Variants in ARHGAP22 observed in about 807,000 individuals in gnomAD.
ARHGAP22 encodes the protein Rho GTPase activating protein 22, also known as rho GTPase-activating protein 22.
A neutral mutation model predicts 59.1 loss-of-function variants in ARHGAP22; 48 were observed. That is an observed-to-expected ratio of 0.81 (90% confidence interval 0.64 to 1.03). ARHGAP22 has a LOEUF of 1.03. Ranked by LOEUF, ARHGAP22 falls within the 50% of genes least tolerant of loss-of-function variation. ARHGAP22 has a pLI of 0.00. For missense variants in ARHGAP22, 1,015 were observed against 958.7 expected (o/e 1.06, Z -0.78); for synonymous variants, 445 against 416.4 (o/e 1.07, Z -0.84).
chr10:48,598,576 C>T (rs897674439), intron 1 of ARHGAP22, among the ~76,000 whole-genome samples: 1 of 152,166 alleles, frequency 6.6e-6, no homozygotes, highest in Non-Finnish European at 1.5e-5. Flanking sequence ...CGGGAAACAC[C>T]ATTGCTCCCA....
rs1364184552 is a variant in ARHGAP22, at chr10:48,604,847, A to G, written c.-51T>C. ...CGCAGGGCCGTTCATGCTGTCATCCACTTGCTTTTGCTCGTCCTCGCGCCT... is the reference window on the plus strand; with the variant it reads ...CGCAGGGCCGTTCATGCTGTCATCCGCTTGCTTTTGCTCGTCCTCGCGCCT... On this transcript the variant is annotated 5_prime_UTR_variant, in exon 1 of 10. Coordinates refer to ENST00000249601, the MANE Select transcript of ARHGAP22 (RefSeq NM_021226.4). 5 of 1,613,666 alleles carry G rather than the reference A, an allele frequency of 3.1e-6. No homozygotes were observed. The Middle Eastern group carries it at 4.9e-4, about 159-fold the overall frequency.
intron 1 of ARHGAP22, among the ~76,000 whole-genome samples, chr10:48,585,531 T>G (rs180952932): frequency 2.0e-4 from 31 of 152,292 alleles, no homozygotes; most frequent in South Asian, 1.9e-3. Flanking sequence ...TAATACTGAA[T>G]CTATCACTTT....
At chr10:48,451,733 G>C (rs2045980853) in intron 8 of ARHGAP22, 1 of 582,506 alleles carries the variant, frequency 1.7e-6, no homozygotes, top group African/African-American at 2.2e-5. Context: ...ACACACAACT[G>C]GACAATGCAC....
chr10:48,530,811 A>G (rs1417677392), intron 3 of ARHGAP22, among the ~76,000 whole-genome samples: 1 of 152,222 alleles, frequency 6.6e-6, no homozygotes, highest in Non-Finnish European at 1.5e-5. Flanking sequence ...ACACCTCTAC[A>G]CTGCTGGTGG....
chr10:48,599,370 G>C (rs1390105974), intron 1 of ARHGAP22, among the ~76,000 whole-genome samples: 1 of 152,242 alleles, frequency 6.6e-6, no homozygotes, highest in Non-Finnish European at 1.5e-5. Context: ...CATGTGCTGT[G>C]CTTGCTTGAC....
chr10:48,629,512 G>T (rs563186551), intron 1 of ARHGAP22, among the ~76,000 whole-genome samples: 83 of 152,272 alleles, frequency 5.5e-4, no homozygotes, highest in African/African-American at 1.9e-3. Flanking sequence ...CTCATCAAAG[G>T]TCAGTTAGCT....
chr10:48,453,899 G>A (rs2046235988), intron 7 of ARHGAP22, among the ~76,000 whole-genome samples, 189 bp downstream of exon 7: 1 of 152,190 alleles, frequency 6.6e-6, no homozygotes, highest in African/African-American at 2.4e-5. Flanking sequence ...CCATGGGACT[G>A]TAAGCTTCGT....
chr10:48,630,719 C>A (rs1166668897), intron 1 of ARHGAP22, among the ~76,000 whole-genome samples: 6 of 152,180 alleles, frequency 3.9e-5, no homozygotes, highest in Non-Finnish European at 7.4e-5. Flanking sequence ...TCTGCATAGA[C>A]AATCCTGTCT....
At chr10:48,542,464 G>A (rs2056048906) in intron 3 of ARHGAP22, among the ~76,000 whole-genome samples, 1 of 152,214 alleles carries the variant, frequency 6.6e-6, no homozygotes, top group Non-Finnish European at 1.5e-5. Context: ...CGTATGCTGA[G>A]GGCTGGGGCC....
intron 3 of ARHGAP22, chr10:48,523,979 G>T: frequency 7.3e-7 from 1 of 1,373,318 alleles, no homozygotes; most frequent in Non-Finnish European, 9.5e-7. Flanking sequence ...ACCCCGTGGC[G>T]AGTCCCCGAG....
intron 3 of ARHGAP22, among the ~76,000 whole-genome samples, chr10:48,554,408 G>A (rs1413684681): frequency 2.0e-5 from 3 of 152,154 alleles, no homozygotes; most frequent in East Asian, 1.9e-4. Context: ...AGATTTACTG[G>A]TTCACTGGGC....
chr10:48,452,429 C>A (rs534011579), intron 8 of ARHGAP22, among the ~76,000 whole-genome samples: 5 of 152,324 alleles, frequency 3.3e-5, no homozygotes, highest in Admixed American at 3.3e-4. Context: ...AGCATCTGTA[C>A]CACCAGGCAG....
intron 3 of ARHGAP22, among the ~76,000 whole-genome samples, chr10:48,540,714 G>C (rs939128459): frequency 1.5e-4 from 22 of 151,692 alleles, no homozygotes; most frequent in African/African-American, 5.4e-4. Flanking sequence ...TGCAGCCTGA[G>C]AACTAGACTC....
At chr10:48,557,021 T>C (rs2057352314) in intron 2 of ARHGAP22, among the ~76,000 whole-genome samples, 1 of 152,188 alleles carries the variant, frequency 6.6e-6, no homozygotes, top group African/African-American at 2.4e-5. Context: ...TAAGCAACGT[T>C]AATGTGGAAA....
At chr10:48,444,936 C>G (rs113954930), downstream of ARHGAP22, 1 of 152,326 alleles carries the variant, frequency 6.6e-6, no homozygotes, top group African/African-American at 2.4e-5. Flanking sequence ...TGTCAGTGGC[C>G]GAGCAAAGAC....
chr10:48,485,943 C>T (rs1431850240), intron 3 of ARHGAP22, among the ~76,000 whole-genome samples: 1 of 152,110 alleles, frequency 6.6e-6, no homozygotes, highest in Admixed American at 6.5e-5. Context: ...ATCTGATAAG[C>T]TTTATTTATA....
intron 1 of ARHGAP22, among the ~76,000 whole-genome samples, chr10:48,611,402 C>A (rs2060878353): frequency 6.6e-6 from 1 of 152,096 alleles, no homozygotes; most frequent in Non-Finnish European, 1.5e-5. Context: ...CCAAAAGCTG[C>A]CCCCCTTCCT....
chr10:48,613,459 A>G (rs2060968675), intron 1 of ARHGAP22, among the ~76,000 whole-genome samples: 1 of 152,030 alleles, frequency 6.6e-6, no homozygotes, highest in South Asian at 2.1e-4. Context: ...TTTCTGGACC[A>G]TTATTGGAAC....
At chr10:48,471,519 A>C (rs1330982818) in intron 4 of ARHGAP22, among the ~76,000 whole-genome samples, 2 of 152,122 alleles carry the variant, frequency 1.3e-5, no homozygotes, top group Non-Finnish European at 2.9e-5. Context: ...TGACTCATAG[A>C]CACCTCAAAC....
Sources: gnomAD v4.1 joint callset for allele counts (sites outside exome capture counted in the v4.1 genomes callset) on GRCh38, gnomAD v4.1.1 for gene constraint, MANE v1.5 for transcripts, NCBI Gene and HGNC (gene_info 2026-07-23, HGNC 2026-07-21) for gene names.